MARCHF1: variants seen among roughly 807,000 people sequenced by gnomAD.
MARCHF1 encodes membrane associated ring-CH-type finger 1, also known as E3 ubiquitin-protein ligase MARCHF1.
A neutral mutation model predicts 54.2 loss-of-function variants in MARCHF1; 40 were observed. That is an observed-to-expected ratio of 0.74 (90% CI 0.57 to 0.96). The LOEUF (loss-of-function observed/expected upper bound fraction) is 0.96. Among genes scored for constraint, MARCHF1 ranks in the 40% least tolerant of loss-of-function variants. The pLI, the probability that MARCHF1 is intolerant of heterozygous loss-of-function variation, is 0.00. For missense variants in MARCHF1, 586 were observed against 656.5 expected (o/e 0.89, Z 1.17); for synonymous variants, 236 against 236.3 (o/e 1.00, Z 0.01).
chr4:164,297,058 C>G lies in MARCHF1; in HGVS notation c.-323+86812G>C, dbSNP rs946888794. Among the ~76,000 whole-genome samples the G allele has an allele frequency of 1.4e-4, 22 of 152,118 alleles. 1 individual carries two copies. Among genetic ancestry groups the G allele is most frequent in the African/African-American group, 4.8e-4 (20 of 41,410 alleles). On this transcript the variant is annotated intron_variant, in intron 1 of 9. Transcript: ENST00000514618. ...TACCGTTAAAATAAAATAATAATTTCTATCTCAAAGACTTATCGTATTAAG... is the reference window on the plus strand; with the variant it reads ...TACCGTTAAAATAAAATAATAATTTGTATCTCAAAGACTTATCGTATTAAG...
chr4:163,915,454 A>G (rs1239426771), intron 3 of MARCHF1, among the ~76,000 whole-genome samples: 1 of 152,178 alleles, frequency 6.6e-6, no homozygotes, highest in African/African-American at 2.4e-5. Context: ...AAGCAAAAGG[A>G]GACATGAAAA....
chr4:164,159,280 G>A (rs142559263), intron 1 of MARCHF1, among the ~76,000 whole-genome samples: 1,621 of 152,140 alleles, frequency 0.011, 22 homozygotes, highest in Middle Eastern at 0.054. Flanking sequence ...AAAAGTAATC[G>A]TGGATTTTGC....
At chr4:163,758,272 A>G (rs1463254903) in intron 4 of MARCHF1, among the ~76,000 whole-genome samples, 1 of 152,178 alleles carries the variant, frequency 6.6e-6, no homozygotes, top group African/African-American at 2.4e-5. Flanking sequence ...AGTTACATTC[A>G]GACAAGACAG....
At chr4:164,350,888 G>A (rs1579743853) in intron 1 of MARCHF1, among the ~76,000 whole-genome samples, 3 of 152,152 alleles carry the variant, frequency 2.0e-5, no homozygotes, top group East Asian at 1.9e-4. Flanking sequence ...GACAGTGGGC[G>A]CAGGCGAGTG....
chr4:163,574,821 C>T (rs1739981418), intron 8 of MARCHF1, among the ~76,000 whole-genome samples: 1 of 151,422 alleles, frequency 6.6e-6, no homozygotes, highest in Admixed American at 6.6e-5. Flanking sequence ...TCCATATGAA[C>T]TTTAAAGTAG....
chr4:163,601,132 T>C (rs1405577181), intron 7 of MARCHF1, among the ~76,000 whole-genome samples: 2 of 152,136 alleles, frequency 1.3e-5, no homozygotes, highest in Non-Finnish European at 2.9e-5. Context: ...TGCAGAAGAT[T>C]TGAAATAAAT....
chr4:164,056,819 C>T (rs1377853184), intron 2 of MARCHF1, among the ~76,000 whole-genome samples: 7 of 152,086 alleles, frequency 4.6e-5, no homozygotes, highest in South Asian at 2.1e-4. Flanking sequence ...GAGCAAATGC[C>T]AAGGGCTTGG....
intron 5 of MARCHF1, among the ~76,000 whole-genome samples, chr4:163,681,214 C>A (rs531554003): frequency 6.6e-6 from 1 of 151,900 alleles, no homozygotes; most frequent in East Asian, 1.9e-4. Flanking sequence ...ACTAGTTTTC[C>A]GACTTTTTTA....
At chr4:163,555,772 C>A in intron 8 of MARCHF1, 2 of 306,096 alleles carry the variant, frequency 6.5e-6, no homozygotes, top group Non-Finnish European at 1.4e-5. Flanking sequence ...CCTTGCCGAG[C>A]GGACTCTTGG....
intron 1 of MARCHF1, among the ~76,000 whole-genome samples, chr4:164,199,389 C>A (rs1449996637): frequency 6.6e-6 from 1 of 152,144 alleles, no homozygotes; most frequent in Admixed American, 6.6e-5. Context: ...CGCCTGTAAT[C>A]CCAGCACTTT....
In MARCHF1 at chr4:163,927,683, G is replaced by A. The variant is rs73868946; in HGVS notation, c.-39+60818C>T. Reference sequence around the variant, plus strand: ...AACTATATACACAGTTAAAACAAATGCTACAGAAACTGTCCTCAATAAAGA... The same window carrying A: ...AACTATATACACAGTTAAAACAAATACTACAGAAACTGTCCTCAATAAAGA... On this transcript the variant is annotated intron_variant, in intron 3 of 9. Coordinates refer to ENST00000514618, the MANE Select transcript of MARCHF1 (RefSeq NM_001394959.1). 4.3e-3 allele frequency among the ~76,000 whole-genome samples: 657 copies of A among 151,888 alleles called. 8 individuals are homozygous for A. The highest frequency in any genetic ancestry group is 0.015 in the African/African-American group (637 of 41,522).
At chr4:164,372,821 A>ACT (rs1488695335) in intron 1 of MARCHF1, among the ~76,000 whole-genome samples, 5 of 152,060 alleles carry the variant, frequency 3.3e-5, no homozygotes, top group African/African-American at 1.2e-4. Context: ...AAAATAAAAC[A>ACT]CTCACTACAA....
chr4:163,993,796 G>C (rs1429423908), intron 2 of MARCHF1, among the ~76,000 whole-genome samples: 3 of 151,922 alleles, frequency 2.0e-5, no homozygotes, highest in Admixed American at 1.3e-4. Context: ...TTTTTAAAAA[G>C]GGTAACATGT....
chr4:164,134,265 T>G (rs148040797), intron 1 of MARCHF1, among the ~76,000 whole-genome samples: 92 of 152,316 alleles, frequency 6.0e-4, no homozygotes, highest in African/African-American at 2.0e-3. Flanking sequence ...AACAATTGAT[T>G]GGTTGCCAGT....
At chr4:163,782,944 G>C (rs1747511776) in intron 4 of MARCHF1, among the ~76,000 whole-genome samples, 1 of 152,088 alleles carries the variant, frequency 6.6e-6, no homozygotes, top group Admixed American at 6.6e-5. Flanking sequence ...TGGACTAGAA[G>C]AACTGTGACA....
intron 5 of MARCHF1, among the ~76,000 whole-genome samples, chr4:163,644,654 C>A (rs946872918): frequency 3.9e-5 from 6 of 152,146 alleles, no homozygotes; most frequent in Non-Finnish European, 8.8e-5. Context: ...TCCATGTTCC[C>A]ACAGGCAGGC....
At chr4:163,580,947 C>T (rs1329537051) in intron 8 of MARCHF1, among the ~76,000 whole-genome samples, 1 of 106,212 alleles carries the variant, frequency 9.4e-6, no homozygotes, top group Non-Finnish European at 2.0e-5. Context: ...GGACTACAGG[C>T]GCCCGCCACC....
chr4:164,043,463 C>A (rs1258200451), intron 2 of MARCHF1, among the ~76,000 whole-genome samples: 3 of 152,152 alleles, frequency 2.0e-5, no homozygotes, highest in African/African-American at 4.8e-5. Flanking sequence ...GCAGCTGTGA[C>A]AAAGCAGGAA....
intron 3 of MARCHF1, among the ~76,000 whole-genome samples, chr4:163,859,154 G>A (rs1405745424): frequency 1.3e-5 from 2 of 152,086 alleles, no homozygotes; most frequent in African/African-American, 4.8e-5. Flanking sequence ...TTTTAGCTTA[G>A]ACTATCTGAA....
Sources: allele counts gnomAD v4.1 joint callset (sites outside exome capture counted in the v4.1 genomes callset), GRCh38; gene constraint gnomAD v4.1.1; transcripts MANE v1.5; gene names NCBI Gene and HGNC (gene_info 2026-07-23, HGNC 2026-07-21).